The following CCDC85A variants were observed in gnomAD, a reference collection of about 807,000 sequenced individuals.
CCDC85A encodes the protein coiled-coil domain containing 85A.
A neutral mutation model predicts 50.2 loss-of-function variants in CCDC85A; 38 were observed. That is an observed-to-expected ratio of 0.76 (90% CI 0.58 to 0.99). CCDC85A has a LOEUF of 0.99. Among genes scored for constraint, CCDC85A ranks in the 50% least tolerant of loss-of-function variants. CCDC85A has a pLI of 0.00. For synonymous variants in CCDC85A, 366 were observed against 301.4 expected (o/e 1.21, Z -2.22); for missense variants, 820 against 742.0 (o/e 1.11, Z -1.22).
intron 2 of CCDC85A, among the ~76,000 whole-genome samples, chr2:56,271,576 G>A: frequency 6.6e-6 from 1 of 152,158 alleles, no homozygotes; most frequent in East Asian, 1.9e-4. Context: ...TAAACTGACA[G>A]GCTAATACAT....
chr2:56,373,315 C>G (rs551816055), intron 4 of CCDC85A, among the ~76,000 whole-genome samples: 1 of 151,788 alleles, frequency 6.6e-6, no homozygotes, highest in Non-Finnish European at 1.5e-5. Flanking sequence ...TTTCCCCCCA[C>G]TGTATACTCC....
chr2:56,187,473 T>C (rs1446579719), intron 1 of CCDC85A, among the ~76,000 whole-genome samples: 2 of 152,184 alleles, frequency 1.3e-5, no homozygotes, highest in Admixed American at 1.3e-4. Flanking sequence ...GGCAGGGCAG[T>C]GCAGGGGCCC....
intron 3 of CCDC85A, among the ~76,000 whole-genome samples, chr2:56,347,873 C>A (rs1674707513): frequency 6.6e-6 from 1 of 152,102 alleles, no homozygotes; most frequent in Admixed American, 6.6e-5. Flanking sequence ...ATTTTTTAAT[C>A]CAGACATAGT....
chr2:56,379,175 C>T (rs992286595), intron 5 of CCDC85A, among the ~76,000 whole-genome samples: 1 of 152,114 alleles, frequency 6.6e-6, no homozygotes, highest in Admixed American at 6.6e-5. Flanking sequence ...TATAAGGAGC[C>T]AGTGCTTCTC....
Position 56,184,550 on chromosome 2 carries a change from G to T in CCDC85A, c.-75G>T. Reference sequence around the variant, plus strand: ...AGCGCACAGGGGTGTGGGCGGAGGCGGCCTCGCCGCGCCCGCGCCTTCGGG... The same window carrying T: ...AGCGCACAGGGGTGTGGGCGGAGGCTGCCTCGCCGCGCCCGCGCCTTCGGG... On this transcript the variant is annotated 5_prime_UTR_variant, in exon 1 of 6. Coordinates refer to ENST00000407595, the MANE Select transcript of CCDC85A (RefSeq NM_001080433.2). The T allele has an allele frequency of 5.9e-6, 8 of 1,349,214 alleles. No individual in the cohort carries two copies. The highest frequency in any genetic ancestry group is 7.6e-6 in the Non-Finnish European group (8 of 1,056,890). 83.6% of individuals were successfully genotyped at this position (1,349,214 alleles called of 1,614,324 possible).
intron 2 of CCDC85A, among the ~76,000 whole-genome samples, chr2:56,304,757 T>C (rs1672356641): frequency 6.6e-6 from 1 of 151,920 alleles, no homozygotes; most frequent in Non-Finnish European, 1.5e-5. Context: ...AATAAAACTG[T>C]ATGGGATAAG....
At chr2:56,224,167 C>G (rs964743512) in intron 2 of CCDC85A, among the ~76,000 whole-genome samples, 15 of 152,150 alleles carry the variant, frequency 9.9e-5, no homozygotes, top group African/African-American at 3.6e-4. Flanking sequence ...TACTTTCTGT[C>G]TCTATCAATT....
intron 2 of CCDC85A, among the ~76,000 whole-genome samples, chr2:56,195,730 A>G (rs1038153871): frequency 6.6e-6 from 1 of 152,190 alleles, no homozygotes; most frequent in Non-Finnish European, 1.5e-5. Flanking sequence ...TATCAAGGTT[A>G]ATTCAGAATT....
chr2:56,358,053 G>GTTACCTCTGGTTTAGTATTTCTA (rs1675325766), intron 3 of CCDC85A, among the ~76,000 whole-genome samples: 1 of 152,124 alleles, frequency 6.6e-6, no homozygotes. Context: ...CAGATTTTCT[G>GTTACCTCTGGTTTAGTATTTCTA]TTACCTCTGG....
chr2:56,194,002 T>G (rs1342868668), intron 2 of CCDC85A, among the ~76,000 whole-genome samples: 1 of 152,222 alleles, frequency 6.6e-6, no homozygotes, highest in Non-Finnish European at 1.5e-5. Flanking sequence ...TAAGGATTTT[T>G]TTTCCATTGT....
Position 56,350,208 on chromosome 2 carries a change from C to A in CCDC85A, c.1317+7253C>A, listed in dbSNP as rs185707137. Among the ~76,000 whole-genome samples the A allele has an allele frequency of 3.3e-3, 497 of 150,806 alleles. 1 individual carries two copies. The highest frequency in any genetic ancestry group is 0.012 in the African/African-American group (482 of 41,116). ...TTGAGACAGAGTCTCGCTCTGTCACCCAGGCTGGAGTGCAGTGGCACTACC... is the reference window on the plus strand; with the variant it reads ...TTGAGACAGAGTCTCGCTCTGTCACACAGGCTGGAGTGCAGTGGCACTACC... On this transcript the variant is annotated intron_variant, in intron 3 of 5. Coordinates refer to ENST00000407595, the MANE Select transcript of CCDC85A (RefSeq NM_001080433.2).
At chr2:56,293,051 C>G (rs2104153992) in intron 2 of CCDC85A, among the ~76,000 whole-genome samples, 1 of 152,300 alleles carries the variant, frequency 6.6e-6, no homozygotes, top group African/African-American at 2.4e-5. Context: ...GTGGACCAGG[C>G]TACCCCCAGC....
chr2:56,344,528 A>T (rs1016014772), intron 3 of CCDC85A, among the ~76,000 whole-genome samples: 1 of 152,196 alleles, frequency 6.6e-6, no homozygotes, highest in African/African-American at 2.4e-5. Context: ...TAAGGGTGGA[A>T]TTCTGTACTT....
chr2:56,363,382 C>T lies in CCDC85A; in HGVS notation c.1318-8962C>T, dbSNP rs143913260. The stretch of plus-strand genomic sequence containing the variant: ...CATTTAAGCATAAGATCATTGCTAA[C>T]GCTCCATGATAGATCTTTCAGCAGG... On this transcript the variant is annotated intron_variant, in intron 3 of 5. Coordinates refer to ENST00000407595, the MANE Select transcript of CCDC85A (RefSeq NM_001080433.2). 2.5e-4 allele frequency among the ~76,000 whole-genome samples: 38 copies of T among 152,276 alleles called. 1 individual carries two copies. The highest frequency in any genetic ancestry group is 8.4e-4 in the African/African-American group (35 of 41,554).
In CCDC85A at chr2:56,204,220, G is replaced by A. The variant is rs145727770; in HGVS notation, c.1240+10780G>A. Among the ~76,000 whole-genome samples, 428 of 152,192 alleles carry A rather than the reference G, an allele frequency of 2.8e-3. 2 individuals are homozygous for A. Among genetic ancestry groups the A allele is most frequent in the African/African-American group, 9.9e-3 (412 of 41,540 alleles). On this transcript the variant is annotated intron_variant, in intron 2 of 5. Coordinates refer to ENST00000407595, the MANE Select transcript of CCDC85A (RefSeq NM_001080433.2). ...TAGAAGAAGATCCTTTAAACACAGT[G>A]AAAAATTACATACATTTACTAAAGG...
chr2:56,301,921 C>T (rs531039169), intron 2 of CCDC85A, among the ~76,000 whole-genome samples: 1 of 152,126 alleles, frequency 6.6e-6, no homozygotes, highest in Non-Finnish European at 1.5e-5. Flanking sequence ...CAAACCTGCA[C>T]ATTCTGCACA....
At chr2:56,226,339 G>T (rs750219278) in intron 2 of CCDC85A, among the ~76,000 whole-genome samples, 1 of 152,126 alleles carries the variant, frequency 6.6e-6, no homozygotes, top group Non-Finnish European at 1.5e-5. Context: ...TGGTTACCCA[G>T]TTCTTAGTAC....
chr2:56,297,561 C>T (rs12995694), intron 2 of CCDC85A, among the ~76,000 whole-genome samples: 24 of 152,106 alleles, frequency 1.6e-4, no homozygotes, highest in Non-Finnish European at 2.8e-4. Flanking sequence ...TGCTGTATTT[C>T]AAGTGGAATC....
At chr2:56,196,467 T>C (rs1457550962) in intron 2 of CCDC85A, among the ~76,000 whole-genome samples, 1 of 152,328 alleles carries the variant, frequency 6.6e-6, no homozygotes, top group East Asian at 1.9e-4. Flanking sequence ...GCCTCAACTA[T>C]TGAGAATGGG....
Sources: gnomAD v4.1 joint callset for allele counts (sites outside exome capture counted in the v4.1 genomes callset) on GRCh38, gnomAD v4.1.1 for gene constraint, MANE v1.5 for transcripts, NCBI Gene and HGNC (gene_info 2026-07-23, HGNC 2026-07-21) for gene names.